Variants in LDAH observed in about 807,000 individuals in gnomAD.
LDAH encodes the protein lipid droplet associated hydrolase, also known as lipid droplet-associated hydrolase.
A neutral mutation model predicts 29.6 loss-of-function variants in LDAH; 26 were observed. The ratio of observed to expected loss-of-function variants is 0.88; its 90% CI spans 0.64 to 1.22. The LOEUF is 1.22. Ranked by LOEUF, LDAH falls within the 50% of genes most tolerant of loss-of-function variation. LDAH has a pLI of 0.00. For missense variants in LDAH, 344 were observed against 387.3 expected (o/e 0.89, Z 0.94); for synonymous variants, 117 against 133.0 (o/e 0.88, Z 0.83).
At chr2:20,710,719 CAT>C (rs1015741828) in intron 5 of LDAH, among the ~76,000 whole-genome samples, 48 of 146,304 alleles carry the variant, frequency 3.3e-4, no homozygotes, top group East Asian at 9.8e-4. Context: ...ATATATTATA[CAT>C]ATATATACAT....
At chr2:20,727,761 G>A (rs1197047084) in intron 5 of LDAH, among the ~76,000 whole-genome samples, 3 of 152,064 alleles carry the variant, frequency 2.0e-5, no homozygotes, top group Admixed American at 6.5e-5. Flanking sequence ...AAAATACAGA[G>A]TAGCAAACAT....
At position 20,740,120 on chromosome 2, in the gene LDAH, C is replaced by T. The variant is rs1326874687; in HGVS notation, c.554G>A (p.Trp185Ter). Residue 185 changes from tryptophan to a stop codon, truncating the protein, a stop_gained, in exon 5 of 7, where the codon TGG becomes TAG. Transcript: ENST00000237822. LOFTEE classifies it high-confidence loss of function. ...NGRIATPLLC[W>*]FRYVLYVTGY... ...AGTAACATAGAGAACATATCGAAAC[C>T]AGCACAAAAGTGGAGTGGCAATTCT... 6.2e-7 allele frequency: 1 copy of T among 1,614,104 alleles called. No homozygotes were observed. Among genetic ancestry groups the T allele is most frequent in the Non-Finnish European group, 8.5e-7 (1 of 1,180,000 alleles).
At chr2:20,804,135 T>C (rs16988071) in intron 1 of LDAH, among the ~76,000 whole-genome samples, 5,310 of 152,202 alleles carry the variant, frequency 0.035, 313 homozygotes, top group African/African-American at 0.12. Flanking sequence ...CTGGTAAAAT[T>C]TGTCATGTCA....
intron 4 of LDAH, among the ~76,000 whole-genome samples, chr2:20,763,660 T>A (rs1485613015): frequency 2.0e-5 from 3 of 152,228 alleles, no homozygotes; most frequent in Non-Finnish European, 4.4e-5. Context: ...GCCACTTAAC[T>A]TCATTTGCCC....
intron 5 of LDAH, among the ~76,000 whole-genome samples, chr2:20,711,833 GA>G (rs1480794866): frequency 1.7e-4 from 26 of 152,234 alleles, no homozygotes; most frequent in Non-Finnish European, 7.3e-5. Flanking sequence ...CCGGCAGGGG[GA>G]GGGGCGTCCA....
chr2:20,685,770 A>ACACT lies in LDAH; in HGVS notation c.*1132_*1133insAGTG. The ACACT allele has an allele frequency of 7.7e-7, 1 of 1,299,628 alleles. No individual in the cohort carries two copies. Among genetic ancestry groups the ACACT allele is most frequent in the Non-Finnish European group, 1.0e-6 (1 of 963,316 alleles). 80.5% of individuals were successfully genotyped at this position (1,299,628 alleles called of 1,614,324 possible). On this transcript the variant is annotated 3_prime_UTR_variant, in exon 7 of 7. Coordinates refer to ENST00000237822, the MANE Select transcript of LDAH (RefSeq NM_021925.4). ...CAATATTGTCAGCCCACTCTAGGCC[A>ACACT]GGGAATATGTGTCTTCTCTGCCATA...
chr2:20,789,349 C>G (rs1369004721), intron 3 of LDAH: 1 of 1,519,396 alleles, frequency 6.6e-7, no homozygotes, highest in African/African-American at 1.4e-5. Flanking sequence ...ACCTGTGAAT[C>G]GGGAAGTAGG....
intron 4 of LDAH, among the ~76,000 whole-genome samples, chr2:20,742,904 C>T (rs180802715): frequency 8.6e-5 from 13 of 150,648 alleles, no homozygotes; most frequent in Non-Finnish European, 1.9e-4. Flanking sequence ...GGGCTACAGG[C>T]ACACACCACC....
At chr2:20,793,733 GA>G (rs1230766530) in intron 2 of LDAH, among the ~76,000 whole-genome samples, 1 of 151,880 alleles carries the variant, frequency 6.6e-6, no homozygotes, top group Non-Finnish European at 1.5e-5. Context: ...GGAAAAATAT[GA>G]AAATTTTCAT....
At chr2:20,710,248 G>T (rs1664616959) in intron 5 of LDAH, among the ~76,000 whole-genome samples, 1 of 151,994 alleles carries the variant, frequency 6.6e-6, no homozygotes, top group East Asian at 1.9e-4. Context: ...AAAGAGAGAG[G>T]TGACATCTCT....
intron 5 of LDAH, among the ~76,000 whole-genome samples, chr2:20,710,589 T>G (rs1016653512): frequency 4.5e-5 from 6 of 132,476 alleles, no homozygotes; most frequent in South Asian, 2.5e-4. Flanking sequence ...TATAGGGGTG[T>G]GTGTGTGTGT....
At chr2:20,711,092 C>G (rs1353673001) in intron 5 of LDAH, among the ~76,000 whole-genome samples, 1 of 152,170 alleles carries the variant, frequency 6.6e-6, no homozygotes, top group East Asian at 1.9e-4. Context: ...TGGAAAGGAC[C>G]TGAGAGTGGC....
chr2:20,790,398 C>T lies in LDAH; in HGVS notation c.155G>A (p.Gly52Asp). Reference sequence around the variant, plus strand: ...ATAAAAGGCAGAAAAACCTGGGTTACCTAAGAAAAGAAACACAGACCTTAG... The same window carrying T: ...ATAAAAGGCAGAAAAACCTGGGTTATCTAAGAAAAGAAACACAGACCTTAG... Reference protein sequence around the residue: ...RPKLLIFIIPGNPGFSAFYVP... With the variant: ...RPKLLIFIIPDNPGFSAFYVP... The change falls in exon 3 of 7, where the codon GGT becomes GAT. Residue 52 changes from glycine (G) to aspartate (D), a missense_variant and splice_region_variant. By Grantham distance (94) the Gly-to-Asp change is moderately conservative. Transcript: ENST00000237822. The T allele has an allele frequency of 6.2e-7, 1 of 1,612,024 alleles. No individual in the cohort carries two copies. The highest frequency in any genetic ancestry group is 8.5e-7 in the Non-Finnish European group (1 of 1,179,364).
chr2:20,686,681 T>C lies in LDAH; in HGVS notation c.*222A>G. 1 of 330,228 alleles carries C rather than the reference T, an allele frequency of 3.0e-6. No homozygotes were observed. Among genetic ancestry groups the C allele is most frequent in the Non-Finnish European group, 5.4e-6 (1 of 185,620 alleles). 20.5% of individuals were successfully genotyped at this position (330,228 alleles called of 1,614,324 possible). A position where few individuals can be genotyped will look rare whatever the true frequency, so the allele number is the denominator to read the frequency against. On this transcript the variant is annotated 3_prime_UTR_variant, in exon 7 of 7. Transcript: ENST00000237822. ...ACAAGACTCTGTGTAGATCACTGTG[T>C]TCCCTGAGTCTTGGAAAATGTATGG...
intron 1 of LDAH, among the ~76,000 whole-genome samples, chr2:20,808,302 C>CT (rs1331758775): frequency 6.6e-6 from 1 of 152,096 alleles, no homozygotes; most frequent in African/African-American, 2.4e-5. Flanking sequence ...TTTCCCTTTC[C>CT]TTTTTTTAAA....
At chr2:20,799,025 G>A (rs1394979902) in intron 2 of LDAH, among the ~76,000 whole-genome samples, 2 of 152,054 alleles carry the variant, frequency 1.3e-5, no homozygotes, top group African/African-American at 2.4e-5. Flanking sequence ...CCAGGAGTTC[G>A]ACACACGCCT....
chr2:20,775,273 C>T (rs1669729635), intron 3 of LDAH, among the ~76,000 whole-genome samples: 1 of 152,148 alleles, frequency 6.6e-6, no homozygotes, highest in South Asian at 2.1e-4. Flanking sequence ...TTCAGGTCTC[C>T]AAATCCTCAA....
intron 4 of LDAH, among the ~76,000 whole-genome samples, chr2:20,746,286 T>A (rs1021021353): frequency 2.0e-5 from 3 of 152,172 alleles, no homozygotes; most frequent in Non-Finnish European, 4.4e-5. Flanking sequence ...TTATAAACGA[T>A]CCTTTACTGT....
intron 4 of LDAH, among the ~76,000 whole-genome samples, chr2:20,752,354 G>GAAAGA (rs1668026817): frequency 6.6e-6 from 1 of 152,136 alleles, no homozygotes; most frequent in South Asian, 2.1e-4. Flanking sequence ...GTGAGTTCTA[G>GAAAGA]AAAGAAAAGA....
Sources: gnomAD v4.1 joint callset for allele counts (sites outside exome capture counted in the v4.1 genomes callset) on GRCh38, gnomAD v4.1.1 for gene constraint, MANE v1.5 for transcripts, NCBI Gene and HGNC (gene_info 2026-07-23, HGNC 2026-07-21) for gene names.